The following EYS variants were observed in gnomAD, a reference collection of about 807,000 sequenced individuals.
EYS encodes the protein EGF-like photoreceptor maintenance factor.
EYS carries 250 observed loss-of-function variants against 282.1 expected under a neutral mutation model. The observed-to-expected ratio is 0.89, with a 90% confidence interval of 0.80 to 0.98. EYS has a LOEUF of 0.98. Among genes scored for constraint, EYS ranks in the 50% least tolerant of loss-of-function variants. The pLI is 0.00. For synonymous variants in EYS, 1,355 were observed against 1,282.9 expected (o/e 1.06, Z -1.20); for missense variants, 4,016 against 3,709.0 (o/e 1.08, Z -2.15).
chr6:64,514,381 T>C (rs1337886882), intron 26 of EYS, among the ~76,000 whole-genome samples: 1 of 151,832 alleles, frequency 6.6e-6, no homozygotes, highest in Non-Finnish European at 1.5e-5. Context: ...GATTGAAAAT[T>C]AGGAGACTAC....
chr6:65,667,034 A>G (rs1268736016), intron 1 of EYS, among the ~76,000 whole-genome samples: 5 of 151,352 alleles, frequency 3.3e-5, no homozygotes, highest in Admixed American at 6.6e-5. Flanking sequence ...TCTAGGTACT[A>G]ACAAATCAGA....
intron 5 of EYS, among the ~76,000 whole-genome samples, chr6:65,461,102 C>T (rs932392875): frequency 6.6e-6 from 1 of 152,048 alleles, no homozygotes; most frequent in Admixed American, 6.6e-5. Flanking sequence ...TTGATTGGAT[C>T]AAATGCCATA....
intron 11 of EYS, chr6:65,332,361 A>G (rs1200047341): frequency 1.1e-6 from 1 of 898,388 alleles, no homozygotes; most frequent in Non-Finnish European, 1.8e-6. Context: ...GTCATGCTGT[A>G]TAAACCTTTC....
At chr6:64,579,409 T>C (rs984998330) in intron 26 of EYS, among the ~76,000 whole-genome samples, 3 of 152,152 alleles carry the variant, frequency 2.0e-5, no homozygotes, top group African/African-American at 7.2e-5. Context: ...GTCTTTGCCT[T>C]TATATCATCT....
chr6:65,369,805 G>C (rs1272966359), intron 8 of EYS, among the ~76,000 whole-genome samples: 3 of 151,564 alleles, frequency 2.0e-5, no homozygotes, highest in African/African-American at 7.3e-5. Context: ...TTTAGACATT[G>C]CCACATATTA....
At chr6:64,541,447 A>T (rs1023646707) in intron 26 of EYS, among the ~76,000 whole-genome samples, 1 of 152,188 alleles carries the variant, frequency 6.6e-6, no homozygotes, top group Non-Finnish European at 1.5e-5. Context: ...TAGAGAAAAG[A>T]GTGGTCATCT....
At chr6:64,925,982 G>A (rs1768506010) in intron 15 of EYS, among the ~76,000 whole-genome samples, 2 of 152,172 alleles carry the variant, frequency 1.3e-5, no homozygotes, top group South Asian at 4.1e-4. Flanking sequence ...GGGAATGAGA[G>A]ATGGCTCAGG....
chr6:65,172,885 T>C (rs1156463342), intron 12 of EYS, among the ~76,000 whole-genome samples: 1 of 151,062 alleles, frequency 6.6e-6, no homozygotes, highest in Non-Finnish European at 1.5e-5. Context: ...ATGCTTGACA[T>C]GTATTATCAG....
chr6:65,430,136 TC>T (rs934823120), intron 5 of EYS, among the ~76,000 whole-genome samples: 5 of 151,862 alleles, frequency 3.3e-5, no homozygotes, highest in African/African-American at 9.7e-5. Flanking sequence ...CCATCAATCT[TC>T]CCCCCTCTTC....
chr6:64,293,457 T>C (rs1415232316), intron 30 of EYS, among the ~76,000 whole-genome samples: 1 of 152,126 alleles, frequency 6.6e-6, no homozygotes, highest in Non-Finnish European at 1.5e-5. Context: ...CATTTCCTTC[T>C]ATTAAAATAC....
chr6:65,669,931 GCA>G (rs1233693966), intron 1 of EYS, among the ~76,000 whole-genome samples: 1 of 151,946 alleles, frequency 6.6e-6, no homozygotes, highest in Non-Finnish European at 1.5e-5. Flanking sequence ...ACTTGTGATA[GCA>G]TTAATGGTAC....
chr6:65,446,794 A>G lies in EYS; in HGVS notation c.863-41427T>C, dbSNP rs1225143333. 2.7e-5 allele frequency among the ~76,000 whole-genome samples: 4 copies of G among 150,888 alleles called. No homozygotes were observed. The Admixed American group carries it at 2.7e-4, about 10-fold the overall frequency. ...CTGGCCTATGAAATAAATAACTAAT[A>G]TATTATTACATAAAAATTAAGAAAC... is the stretch of plus-strand genomic sequence containing the variant. On this transcript the variant is annotated intron_variant, in intron 5 of 42. Transcript: ENST00000503581.
chr6:64,397,848 G>T (rs527660504), intron 28 of EYS, among the ~76,000 whole-genome samples: 4 of 151,538 alleles, frequency 2.6e-5, no homozygotes, highest in African/African-American at 9.7e-5. Flanking sequence ...TCTAACATGC[G>T]CTTTCAGGAT....
intron 11 of EYS, among the ~76,000 whole-genome samples, chr6:65,328,270 C>T (rs1477930147): frequency 4.0e-5 from 6 of 151,436 alleles, no homozygotes; most frequent in African/African-American, 1.4e-4. Flanking sequence ...AGACAAAATA[C>T]TCTCCCTGAA....
intron 26 of EYS, among the ~76,000 whole-genome samples, chr6:64,462,952 T>TG (rs1775797385): frequency 1.4e-5 from 2 of 146,870 alleles, no homozygotes; most frequent in Non-Finnish European, 3.0e-5. Flanking sequence ...ATTTTTTTTT[T>TG]TTTTTTTTTT....
intron 35 of EYS, among the ~76,000 whole-genome samples, chr6:63,872,758 G>A (rs960579521): frequency 6.0e-5 from 9 of 151,200 alleles, no homozygotes; most frequent in South Asian, 2.1e-4. Flanking sequence ...GATTACAGGC[G>A]TGAGCCACCA....
intron 33 of EYS, among the ~76,000 whole-genome samples, chr6:64,004,157 C>A (rs1768225764): frequency 6.6e-6 from 1 of 151,972 alleles, no homozygotes; most frequent in Non-Finnish European, 1.5e-5. Context: ...AAAAATCTTC[C>A]CTTATTTTTT....
chr6:64,344,074 A>G (rs1193537182), intron 29 of EYS, among the ~76,000 whole-genome samples: 11 of 152,160 alleles, frequency 7.2e-5, no homozygotes, highest in Admixed American at 5.9e-4. Flanking sequence ...ATAGCTTACC[A>G]ACCAAAAAAA....
At chr6:64,885,039 C>A (rs565398617) in intron 19 of EYS, among the ~76,000 whole-genome samples, 1 of 151,724 alleles carries the variant, frequency 6.6e-6, no homozygotes, top group South Asian at 2.1e-4. Flanking sequence ...ATTCTGAATG[C>A]ATGAACCTAT....
Sources: allele counts gnomAD v4.1 joint callset (sites outside exome capture counted in the v4.1 genomes callset), GRCh38; gene constraint gnomAD v4.1.1; transcripts MANE v1.5; gene names NCBI Gene and HGNC (gene_info 2026-07-23, HGNC 2026-07-21).